Variants in OLFM3 observed in about 807,000 individuals in gnomAD.
The protein encoded by OLFM3 is noelin-3.
A neutral mutation model predicts 48.6 loss-of-function variants in OLFM3; 20 were observed. The observed-to-expected ratio is 0.41, with a 90% CI of 0.29 to 0.60. The LOEUF (loss-of-function observed/expected upper bound fraction) is 0.60. OLFM3 is among the 20% of genes least tolerant of loss of function. The pLI, the probability that OLFM3 is intolerant of heterozygous loss-of-function variation, is 0.28. For missense variants in OLFM3, 437 were observed against 544.3 expected (o/e 0.80, Z 1.96); for synonymous variants, 222 against 198.1 (o/e 1.12, Z -1.01).
At chr1:101,908,266 C>T (rs980512508) in intron 1 of OLFM3, among the ~76,000 whole-genome samples, 2 of 152,212 alleles carry the variant, frequency 1.3e-5, no homozygotes, top group African/African-American at 2.4e-5. Context: ...CCTTTCTCAA[C>T]AGCCATATTG....
intron 2 of OLFM3, among the ~76,000 whole-genome samples, chr1:101,835,200 A>G (rs1655343509): frequency 6.6e-6 from 1 of 152,248 alleles, no homozygotes; most frequent in South Asian, 2.1e-4. Context: ...ACAATTTAAC[A>G]GGAAAGCAAA....
At chr1:101,871,485 A>C (rs1185161621) in intron 1 of OLFM3, among the ~76,000 whole-genome samples, 1 of 152,118 alleles carries the variant, frequency 6.6e-6, no homozygotes, top group Non-Finnish European at 1.5e-5. Context: ...TTTAGCTGAC[A>C]TCTTCCACAG....
At chr1:101,805,981 C>T (rs1653752930) in intron 5 of OLFM3, 95 bp downstream of exon 5, 2 of 821,190 alleles carry the variant, frequency 2.4e-6, no homozygotes, top group Non-Finnish European at 3.8e-6. Flanking sequence ...TTTTCAAGTA[C>T]AAACAAATAT....
intron 1 of OLFM3, among the ~76,000 whole-genome samples, chr1:101,993,277 T>C (rs1481974256): frequency 6.6e-6 from 1 of 152,142 alleles, no homozygotes; most frequent in East Asian, 1.9e-4. Context: ...TTTGTTACAA[T>C]GTTCAAATAA....
At chr1:101,982,279 C>T (rs1330104400) in intron 1 of OLFM3, among the ~76,000 whole-genome samples, 3 of 152,132 alleles carry the variant, frequency 2.0e-5, no homozygotes, top group Non-Finnish European at 2.9e-5. Context: ...CAAGCAGAGA[C>T]AATCACAATG....
At chr1:101,967,605 A>AAAAAAAAAAAAAAC (rs1660652360) in intron 1 of OLFM3, among the ~76,000 whole-genome samples, 1 of 150,570 alleles carries the variant, frequency 6.6e-6, no homozygotes, top group African/African-American at 2.4e-5. Context: ...AAAAAAAAAA[A>AAAAAAAAAAAAAAC]AAAAAAAAAG....
chr1:101,817,488 T>G (rs1237009244), intron 4 of OLFM3, among the ~76,000 whole-genome samples: 2 of 152,136 alleles, frequency 1.3e-5, no homozygotes, highest in Non-Finnish European at 2.9e-5. Context: ...TTTCTTATAG[T>G]CAGTTACAAT....
intron 1 of OLFM3, among the ~76,000 whole-genome samples, chr1:101,909,242 C>T (rs1658664350): frequency 6.6e-6 from 1 of 151,682 alleles, no homozygotes; most frequent in Non-Finnish European, 1.5e-5. Flanking sequence ...TATTGCAGAT[C>T]TAAGGACTGC....
chr1:101,837,557 A>G (rs963294182), intron 1 of OLFM3: 3 of 152,216 alleles, frequency 2.0e-5, no homozygotes, highest in Admixed American at 2.0e-4. Flanking sequence ...TAATTAGACC[A>G]GCACTATTTT....
intron 1 of OLFM3, among the ~76,000 whole-genome samples, chr1:101,850,911 G>A (rs1205865391): frequency 6.8e-6 from 1 of 148,038 alleles, no homozygotes; most frequent in East Asian, 1.9e-4. Flanking sequence ...AATTATTGAA[G>A]AAGGAGGAGG....
intron 1 of OLFM3, among the ~76,000 whole-genome samples, chr1:101,966,411 G>C (rs1660611164): frequency 6.6e-6 from 1 of 151,860 alleles, no homozygotes. Context: ...GCACTCAAGA[G>C]AGCCACTTGC....
intron 1 of OLFM3, among the ~76,000 whole-genome samples, chr1:101,961,076 C>G (rs557901132): frequency 3.7e-4 from 56 of 152,050 alleles, no homozygotes; most frequent in African/African-American, 1.2e-3. Context: ...TAGGAGATGT[C>G]TTTTTAGATA....
chr1:101,976,501 T>C (rs551514163), intron 1 of OLFM3, among the ~76,000 whole-genome samples: 2 of 152,338 alleles, frequency 1.3e-5, no homozygotes, highest in African/African-American at 2.4e-5. Context: ...GAATTAGCTA[T>C]CAGGCTATAA....
intron 1 of OLFM3, among the ~76,000 whole-genome samples, chr1:101,927,386 A>T (rs534020350): frequency 1.3e-5 from 2 of 152,170 alleles, no homozygotes; most frequent in South Asian, 4.1e-4. Flanking sequence ...GGCAATATGG[A>T]GGAAGACTTG....
Position 101,828,428 on chromosome 1 carries a change from A to G in OLFM3, c.372+2244T>C, listed in dbSNP as rs114940103. Among the ~76,000 whole-genome samples the G allele has an allele frequency of 6.6e-3, 1,002 of 152,304 alleles. 15 individuals carry two copies. The highest frequency in any genetic ancestry group is 0.023 in the African/African-American group (971 of 41,552). ...ATTACTGTTATTTGGATTTTGACAT[A>G]TAACTTCAGCGTATACTTGGATTAC... On this transcript the variant is annotated intron_variant, in intron 3 of 5. Transcript: ENST00000370103.
At chr1:101,865,921 T>C (rs1656840307) in intron 1 of OLFM3, among the ~76,000 whole-genome samples, 2 of 152,216 alleles carry the variant, frequency 1.3e-5, no homozygotes, top group South Asian at 2.1e-4. Context: ...TGAGTGTTTA[T>C]TTTATTTGAT....
intron 1 of OLFM3, among the ~76,000 whole-genome samples, chr1:101,871,769 T>G (rs1657093576): frequency 6.6e-6 from 1 of 152,002 alleles, no homozygotes; most frequent in African/African-American, 2.4e-5. Flanking sequence ...ACTTTGAAAA[T>G]AGAATGCACA....
intron 1 of OLFM3, among the ~76,000 whole-genome samples, chr1:101,974,040 C>A (rs1660881771): frequency 6.6e-6 from 1 of 151,130 alleles, no homozygotes; most frequent in African/African-American, 2.4e-5. Context: ...GCTTCAAGAC[C>A]CCATTTACAA....
chr1:101,932,744 T>G (rs1223762021), intron 1 of OLFM3, among the ~76,000 whole-genome samples: 2 of 152,068 alleles, frequency 1.3e-5, no homozygotes, highest in African/African-American at 4.8e-5. Context: ...AACTCAAAAA[T>G]CCAGCGTGTC....
Sources: allele counts gnomAD v4.1 joint callset (sites outside exome capture counted in the v4.1 genomes callset), GRCh38; gene constraint gnomAD v4.1.1; transcripts MANE v1.5; gene names NCBI Gene and HGNC (gene_info 2026-07-23, HGNC 2026-07-21).